Variants in CCNF observed in about 807,000 individuals in gnomAD.
CCNF encodes the protein cyclin-F.
CCNF carries 30 observed loss-of-function variants against 85.4 expected under a neutral mutation model. The ratio of observed to expected loss-of-function variants is 0.35; its 90% CI spans 0.26 to 0.48. The LOEUF (loss-of-function observed/expected upper bound fraction) is 0.48, where lower values mean the gene tolerates loss of function less well. Ranked by LOEUF, CCNF falls within the 20% of genes least tolerant of loss-of-function variation. The probability of loss-of-function intolerance (pLI) is 0.99; values close to 1 mark genes in which losing one functional copy is unlikely to be tolerated. For synonymous variants in CCNF, 439 were observed against 425.1 expected (o/e 1.03, Z -0.40); for missense variants, 919 against 1,010.4 (o/e 0.91, Z 1.23).
chr16:2,455,934 G>T (rs1465787209), intron 16 of CCNF, among the ~76,000 whole-genome samples: 1 of 152,238 alleles, frequency 6.6e-6, no homozygotes, highest in Non-Finnish European at 1.5e-5. Flanking sequence ...CAATTTGAGA[G>T]GCTGAGGCAG....
rs553449267 is a variant in CCNF at position 2,450,578 on chromosome 16, C to T, written c.1487+663C>T. 5.7e-4 allele frequency among the ~76,000 whole-genome samples: 86 copies of T among 151,982 alleles called. 1 individual carries two copies. The highest frequency in any genetic ancestry group is 1.9e-3 in the African/African-American group (77 of 41,438). On this transcript the variant is annotated intron_variant, in intron 13 of 16. Coordinates refer to ENST00000397066, the MANE Select transcript of CCNF (RefSeq NM_001761.3). ...TTTTCACATTGAGAGCAGCTGCTCC[C>T]AACCCAAGCTCATTGCACAGGCAGC...
chr16:2,437,992 C>A, intron 5 of CCNF, 78 bp from the exon 6 acceptor site: 10 of 979,666 alleles, frequency 1.0e-5, no homozygotes, highest in Non-Finnish European at 1.5e-5. Context: ...GCATGGGACC[C>A]AAAGACAGAC....
Position 2,457,105 on chromosome 16 carries a change from G to GGCC in CCNF, c.*85_*86insGCC. The stretch of plus-strand genomic sequence containing the variant: ...GAGCATAGCATAGGAACGCTGCATA[G>GGCC]ACCATGGAGGCCTTTGCGCAGAGAG... On this transcript the variant is annotated 3_prime_UTR_variant, in exon 17 of 17. Transcript: ENST00000397066. The GGCC allele has an allele frequency of 1.0e-6, 1 of 995,890 alleles. No individual in the cohort carries two copies. Among genetic ancestry groups the GGCC allele is most frequent in the Non-Finnish European group, 1.5e-6 (1 of 682,798 alleles). 61.7% of individuals were successfully genotyped at this position (995,890 alleles called of 1,614,324 possible).
At position 2,456,420 on chromosome 16, in the gene CCNF, G is replaced by A. The variant is rs2065427846; in HGVS notation, c.1886-125G>A. On this transcript the variant is annotated intron_variant, in intron 16 of 16. Transcript: ENST00000397066. The surrounding 1 kb of genome is among the most constrained non-coding windows in gnomAD (Gnocchi z 4.5). Reference sequence around the variant, plus strand: ...CACCCACGCTTCTCACCACAGGAGGGTAACACAGGGGACCGTAGCAAGGTA... The same window carrying A: ...CACCCACGCTTCTCACCACAGGAGGATAACACAGGGGACCGTAGCAAGGTA... 1 of 621,002 alleles carries A rather than the reference G, an allele frequency of 1.6e-6. No individual in the cohort carries two copies. 38.5% of individuals were successfully genotyped at this position (621,002 alleles called of 1,614,324 possible).
Position 2,451,766 on chromosome 16 carries a change from G to T in CCNF, c.1488-1444G>T, listed in dbSNP as rs554987839. 6.6e-6 allele frequency among the ~76,000 whole-genome samples: 1 copy of T among 152,134 alleles called. No individual in the cohort carries two copies. Among genetic ancestry groups the T allele is most frequent in the South Asian group, 2.1e-4 (1 of 4,826 alleles). On this transcript the variant is annotated intron_variant, in intron 13 of 16. Transcript: ENST00000397066. The surrounding 1 kb of genome is among the most constrained non-coding windows in gnomAD (Gnocchi z 4.3). Reference sequence around the variant, plus strand: ...TGACCCTCCCTCCCTCGGGGGCTTCGGCTTCCTGCCCTAGGCCATGCGGCC... The same window carrying T: ...TGACCCTCCCTCCCTCGGGGGCTTCTGCTTCCTGCCCTAGGCCATGCGGCC...
chr16:2,445,608 G>T lies in CCNF; in HGVS notation c.1080G>T (p.Met360Ile). The change falls in exon 10 of 17, where the codon ATG becomes ATT. Residue 360 changes from methionine to isoleucine, a missense_variant. Met to Ile is a conservative substitution (Grantham distance 10). Transcript: ENST00000397066. The part of the protein sequence containing the change: ...YRLQLLGIAC[M>I]VICTRFISKE... Reference sequence around the variant, plus strand: ...TCCAGCTGCTGGGCATCGCCTGCATGGTCATCTGCACCCGGTGAGAAGCCC... The same window carrying T: ...TCCAGCTGCTGGGCATCGCCTGCATTGTCATCTGCACCCGGTGAGAAGCCC... 1 of 1,612,354 alleles carries T rather than the reference G, an allele frequency of 6.2e-7. No individual in the cohort carries two copies. Among genetic ancestry groups the T allele is most frequent in the Non-Finnish European group, 8.5e-7 (1 of 1,179,992 alleles).
At chr16:2,431,836 C>CTTT (rs112459938) in intron 2 of CCNF, among the ~76,000 whole-genome samples, 2 of 145,118 alleles carry the variant, frequency 1.4e-5, no homozygotes, top group African/African-American at 5.1e-5. Context: ...AAGAAAGTAC[C>CTTT]TTTTTTTTTT....
intron 8 of CCNF, among the ~76,000 whole-genome samples, chr16:2,440,232 A>G (rs2065314085): frequency 6.6e-6 from 1 of 152,108 alleles, no homozygotes; most frequent in South Asian, 2.1e-4. Flanking sequence ...TCTTCCTGTT[A>G]GCGCCTTGCT....
Position 2,457,259 on chromosome 16 carries a change from G to T in CCNF, c.*239G>T. The stretch of plus-strand genomic sequence containing the variant: ...GGAAAGTTTAGCCTGGAAGCAGTTG[G>T]CCACACTGTGTGGAGGGCACCTCTC... On this transcript the variant is annotated 3_prime_UTR_variant, in exon 17 of 17. Coordinates refer to ENST00000397066, the MANE Select transcript of CCNF (RefSeq NM_001761.3). The T allele has an allele frequency of 2.1e-6, 1 of 472,736 alleles. No individual in the cohort carries two copies. The highest frequency in any genetic ancestry group is 3.6e-5 in the East Asian group (1 of 27,758). The allele number at this position is 472,736 out of a possible 1,614,324, so 29.3% of individuals were successfully genotyped here.
At chr16:2,432,126 G>T (rs940349541) in intron 2 of CCNF, among the ~76,000 whole-genome samples, 1 of 152,088 alleles carries the variant, frequency 6.6e-6, no homozygotes, top group African/African-American at 2.4e-5. Flanking sequence ...CACTGCACCC[G>T]GCTGAAAGTA....
In CCNF at chr16:2,449,262, A is replaced by C. The variant is rs756177719; in HGVS notation, c.1219-20A>C. The C allele has an allele frequency of 7.4e-6, 12 of 1,612,932 alleles. No individual in the cohort carries two copies. The stretch of plus-strand genomic sequence containing the variant: ...GAGCCCCCGAGCGCTGAGAGCCCAC[A>C]CCCCGTCCCGGCTGTCTAGGTCCCC... On this transcript the variant is annotated intron_variant, in intron 11 of 16. Transcript: ENST00000397066.
At chr16:2,447,018 G>C (rs919882388) in intron 10 of CCNF, among the ~76,000 whole-genome samples, 4 of 152,188 alleles carry the variant, frequency 2.6e-5, no homozygotes, top group African/African-American at 9.7e-5. Context: ...GCGCTCTTGG[G>C]CCTGAATCCA....
At position 2,439,400 on chromosome 16, in the gene CCNF, T is replaced by C; in HGVS notation, c.642T>C (p.Ala214=). The change falls in exon 7 of 17, where the codon GCT becomes GCC. Residue 214 remains alanine, a synonymous_variant. Coordinates refer to ENST00000397066, the MANE Select transcript of CCNF (RefSeq NM_001761.3). ...CCCATGACCTGTTTGAGGAGGCTGC[T>C]CATCAGGGATGTCTGACCAGCTCCT... is the stretch of plus-strand genomic sequence containing the variant. ...QQAHDLFEEA[A]HQGCLTSSYL... 1 of 1,610,866 alleles carries C rather than the reference T, an allele frequency of 6.2e-7. No individual in the cohort carries two copies. Among genetic ancestry groups the C allele is most frequent in the Non-Finnish European group, 8.5e-7 (1 of 1,179,024 alleles).
rs1478643577 is a variant in CCNF at position 2,439,445 on chromosome 16, CAGG to C, written c.692_694del (p.Arg231del). On this transcript the variant is annotated inframe_deletion, in exon 7 of 17. Transcript: ENST00000397066. ...GCTCCTACCTCCTCTGGGAAAGCGA[CAGG>C]AGGACAGATGTGAGTGGTGCCTGCT... 1.2e-6 allele frequency: 2 copies of C among 1,608,718 alleles called. No individual in the cohort carries two copies. The highest frequency in any genetic ancestry group is 2.2e-5 in the East Asian group (1 of 44,848).
At chr16:2,431,679 C>CAAA (rs553578806) in intron 2 of CCNF, among the ~76,000 whole-genome samples, 2 of 72,954 alleles carry the variant, frequency 2.7e-5, no homozygotes, top group African/African-American at 5.8e-5. Context: ...GACTCTGTCT[C>CAAA]AAAAAAAAAA....
chr16:2,440,366 C>G (rs1458395138), intron 8 of CCNF, among the ~76,000 whole-genome samples: 3 of 152,286 alleles, frequency 2.0e-5, no homozygotes, highest in Non-Finnish European at 4.4e-5. Flanking sequence ...CGCCTGAAAT[C>G]CCAGCACTCT....
At chr16:2,441,979 A>G (rs1276153379) in intron 8 of CCNF, among the ~76,000 whole-genome samples, 16 of 97,774 alleles carry the variant, frequency 1.6e-4, no homozygotes, top group Admixed American at 7.2e-4. Flanking sequence ...ATATATATAT[A>G]TATGTTTTTG....
In CCNF at chr16:2,437,309, G is replaced by T; in HGVS notation, c.527G>T (p.Cys176Phe). 6.3e-7 allele frequency: 1 copy of T among 1,591,884 alleles called. No homozygotes were observed. The stretch of plus-strand genomic sequence containing the variant: ...GTTCACGAGAGCCTCAGGGCAGAGT[G>T]CCAGCTGCAGAGGGTGAGTCTGGGC... The part of the protein sequence containing the change: ...AVVHESLRAE[C>F]QLQRTHKASI... The change falls in exon 5 of 17, where the codon TGC becomes TTC. Residue 176 changes from cysteine (C) to phenylalanine (F), a missense_variant. Cys to Phe is a radical substitution (Grantham distance 205). Coordinates refer to ENST00000397066, the MANE Select transcript of CCNF (RefSeq NM_001761.3).
At chr16:2,439,489 TTATGC>T (rs2065309814) in intron 7 of CCNF, 32 bp downstream of exon 7, 4 of 1,494,394 alleles carry the variant, frequency 2.7e-6, no homozygotes, top group Non-Finnish European at 3.7e-6. Flanking sequence ...TCGGGGGGAG[TTATGC>T]TGGACAAAGG....
Sources: allele counts gnomAD v4.1 joint callset (sites outside exome capture counted in the v4.1 genomes callset), GRCh38; gene constraint gnomAD v4.1.1; non-coding constraint Gnocchi (gnomAD v3.1); transcripts MANE v1.5; gene names NCBI Gene and HGNC (gene_info 2026-07-23, HGNC 2026-07-21).